The following PCDH11X variants were observed in gnomAD, a reference collection of about 807,000 sequenced individuals.
PCDH11X encodes the protein protocadherin-11 X-linked.
In PCDH11X, 18 loss-of-function variants were observed where a neutral mutation model predicts 53.3. The observed-to-expected ratio is 0.34, with a 90% CI of 0.23 to 0.50. PCDH11X has a LOEUF of 0.50. Ranked by LOEUF, PCDH11X falls within the 20% of genes least tolerant of loss-of-function variation. PCDH11X has a pLI of 0.98. For synonymous variants in PCDH11X, 279 were observed against 393.3 expected (o/e 0.71, Z 3.44); for missense variants, 570 against 1,032.4 (o/e 0.55, Z 6.14).
At chrX:92,302,144 T>G (rs2068736871) in intron 8 of PCDH11X, among the ~76,000 whole-genome samples, 1 of 111,617 alleles carries the variant, frequency 9.0e-6, no homozygotes, top group Admixed American at 9.5e-5. Flanking sequence ...CAGCTGCATT[T>G]ACCTGAAACT....
intron 10 of PCDH11X, among the ~76,000 whole-genome samples, chrX:92,553,928 G>A (rs2075004149): frequency 9.0e-6 from 1 of 110,820 alleles, no homozygotes; most frequent in Non-Finnish European, 1.9e-5. Flanking sequence ...GTAAAAGCTT[G>A]GTAAATTCAG....
chrX:92,572,161 T>C (rs752016239), intron 10 of PCDH11X, among the ~76,000 whole-genome samples: 1 of 112,239 alleles, frequency 8.9e-6, no homozygotes, highest in East Asian at 2.8e-4. Context: ...TCATTAGAAA[T>C]AAAGCTTAAA....
intron 10 of PCDH11X, among the ~76,000 whole-genome samples, chrX:92,535,502 C>T (rs1470152127): frequency 9.0e-6 from 1 of 110,670 alleles, no homozygotes; most frequent in African/African-American, 3.3e-5. Flanking sequence ...AGGGGAAAAA[C>T]AGACACCGGG....
intron 6 of PCDH11X, among the ~76,000 whole-genome samples, chrX:92,037,921 A>T (rs2063152605): frequency 2.0e-5 from 2 of 99,813 alleles, no homozygotes; most frequent in African/African-American, 3.7e-5. Context: ...TTTTTTCGTA[A>T]CTGTGTGAGT....
At chrX:91,785,915 G>T (rs1935322317) in intron 1 of PCDH11X, among the ~76,000 whole-genome samples, 1 of 111,730 alleles carries the variant, frequency 9.0e-6, no homozygotes, top group Admixed American at 9.5e-5. Context: ...AAGGTTAATT[G>T]TAAAATAAAA....
intron 10 of PCDH11X, among the ~76,000 whole-genome samples, chrX:92,559,044 G>T (rs1426592492): frequency 9.0e-6 from 1 of 110,721 alleles, no homozygotes; most frequent in Non-Finnish European, 1.9e-5. Flanking sequence ...TTTCCATTGG[G>T]CATGTAGTTG....
intron 10 of PCDH11X, among the ~76,000 whole-genome samples, chrX:92,474,666 C>A (rs1295461810): frequency 1.1e-5 from 1 of 92,430 alleles, no homozygotes; most frequent in East Asian, 3.4e-4. Context: ...TATCTTATAA[C>A]CCATTATTTT....
At chrX:92,390,031 T>C (rs987485411) in intron 9 of PCDH11X, among the ~76,000 whole-genome samples, 11 of 111,085 alleles carry the variant, frequency 9.9e-5, no homozygotes, top group African/African-American at 3.6e-4. Context: ...TGGGCAATGA[T>C]AATAGTAAAG....
At chrX:92,336,835 T>C (rs993504325) in intron 8 of PCDH11X, among the ~76,000 whole-genome samples, 3 of 110,935 alleles carry the variant, frequency 2.7e-5, no homozygotes, top group Non-Finnish European at 5.7e-5. Flanking sequence ...TTTAAGAAAA[T>C]AGTCATAGTG....
At position 92,531,208 on chromosome X, in the gene PCDH11X, G is replaced by A. The variant is rs867719468; in HGVS notation, c.3367+62886G>A. Among the ~76,000 whole-genome samples, 3 of 110,945 alleles carry A rather than the reference G, an allele frequency of 2.7e-5. No individual in the cohort carries two copies. In the South Asian group the frequency reaches 1.1e-3, roughly 41 times the overall value. ...GATGTCTCAAATTAAAATTAACTCTGTAAGTAAAACTCTGCAGTGTACCAA... is the reference window on the plus strand; with the variant it reads ...GATGTCTCAAATTAAAATTAACTCTATAAGTAAAACTCTGCAGTGTACCAA... On this transcript the variant is annotated intron_variant, in intron 10 of 10. Transcript: ENST00000682573.
chrX:92,466,029 T>G (rs1475419799), intron 9 of PCDH11X, among the ~76,000 whole-genome samples: 1 of 111,380 alleles, frequency 9.0e-6, no homozygotes, highest in Non-Finnish European at 1.9e-5. Context: ...TATTAACAAA[T>G]AAATTTAATC....
chrX:91,866,610 G>A (rs944843202), intron 5 of PCDH11X, among the ~76,000 whole-genome samples: 29 of 111,322 alleles, frequency 2.6e-4, no homozygotes, highest in African/African-American at 9.1e-4. Flanking sequence ...AGCAGTTGGG[G>A]GAGGAGAAGT....
chrX:92,306,965 A>C (rs949814519), intron 8 of PCDH11X, among the ~76,000 whole-genome samples: 36 of 109,809 alleles, frequency 3.3e-4, no homozygotes, highest in Non-Finnish European at 2.1e-4. Flanking sequence ...GAAGGGGAAC[A>C]AAAAATAAAA....
At chrX:91,840,689 A>G (rs1053596086) in intron 5 of PCDH11X, among the ~76,000 whole-genome samples, 2 of 111,091 alleles carry the variant, frequency 1.8e-5, no homozygotes, top group Non-Finnish European at 3.8e-5. Context: ...ATCAAATAAT[A>G]CATTGTGAAG....
At chrX:92,192,530 G>A (rs946050939) in intron 6 of PCDH11X, among the ~76,000 whole-genome samples, 2 of 108,599 alleles carry the variant, frequency 1.8e-5, no homozygotes, top group African/African-American at 6.7e-5. Flanking sequence ...TGTATTTTTA[G>A]TAGAGATGGG....
At chrX:92,524,860 A>T (rs191907175) in intron 10 of PCDH11X, among the ~76,000 whole-genome samples, 1 of 111,445 alleles carries the variant, frequency 9.0e-6, no homozygotes, top group Non-Finnish European at 1.9e-5. Flanking sequence ...AGTACAGGGC[A>T]TGTGCTTGTG....
At chrX:92,240,764 T>G (rs976959539) in intron 7 of PCDH11X, among the ~76,000 whole-genome samples, 2 of 111,860 alleles carry the variant, frequency 1.8e-5, no homozygotes, top group African/African-American at 6.5e-5. Flanking sequence ...AATATTGGGA[T>G]TATACTCAAA....
At chrX:92,183,236 A>G (rs891299685) in intron 6 of PCDH11X, among the ~76,000 whole-genome samples, 12 of 102,685 alleles carry the variant, frequency 1.2e-4, no homozygotes, top group Non-Finnish European at 2.0e-4. Context: ...TTTGCATATC[A>G]TCTAGAGAAA....
At chrX:92,214,194 C>A (rs973772765) in intron 7 of PCDH11X, among the ~76,000 whole-genome samples, 4 of 111,763 alleles carry the variant, frequency 3.6e-5, no homozygotes, top group African/African-American at 1.3e-4. Flanking sequence ...AGTTGGGGGC[C>A]TCATTGCATT....
Sources: gnomAD v4.1 joint callset for allele counts (sites outside exome capture counted in the v4.1 genomes callset) on GRCh38, gnomAD v4.1.1 for gene constraint, MANE v1.5 for transcripts, NCBI Gene and HGNC (gene_info 2026-07-23, HGNC 2026-07-21) for gene names.